RELN: variants seen among roughly 807,000 people sequenced by gnomAD.
RELN encodes reelin.
In RELN, 108 loss-of-function variants were observed where a neutral mutation model predicts 427.6. That is an observed-to-expected ratio of 0.25 (90% CI 0.22 to 0.30). The LOEUF is 0.30. RELN is among the 10% of genes least tolerant of loss of function. The pLI is 1.00. For missense variants in RELN, 3,715 were observed against 4,302.8 expected, an observed-to-expected ratio of 0.86 and a Z score of 3.82; for synonymous variants, 1,524 against 1,513.4, an observed-to-expected ratio of 1.01 and a Z score of -0.16.
chr7:103,751,195 T>C (rs1790990469), intron 5 of RELN, among the ~76,000 whole-genome samples: 1 of 152,248 alleles, frequency 6.6e-6, no homozygotes, highest in South Asian at 2.1e-4. Context: ...ACAGACTGTC[T>C]TTTGGAAAAA....
chr7:103,875,427 C>T (rs1052085775), intron 2 of RELN, among the ~76,000 whole-genome samples: 1 of 152,104 alleles, frequency 6.6e-6, no homozygotes, highest in African/African-American at 2.4e-5. Flanking sequence ...AGGCAACCTA[C>T]AAAATGGGAG....
At position 103,609,449 on chromosome 7, in the gene RELN, T is replaced by G. The variant is rs532373468; in HGVS notation, c.3008+1246A>C. Among the ~76,000 whole-genome samples the G allele has an allele frequency of 2.0e-5, 3 of 152,262 alleles. No individual in the cohort carries two copies. In the South Asian group the frequency reaches 6.2e-4, roughly 32 times the overall value. Reference sequence around the variant, plus strand: ...TGCTTGGAATACCATTGAAATTAAATAAAAGTCTTGATTATATTCCCAGCA... The same window carrying G: ...TGCTTGGAATACCATTGAAATTAAAGAAAAGTCTTGATTATATTCCCAGCA... On this transcript the variant is annotated intron_variant, in intron 22 of 64. Coordinates refer to ENST00000428762, the MANE Select transcript of RELN (RefSeq NM_005045.4).
At chr7:103,814,027 T>C (rs979508398) in intron 3 of RELN, among the ~76,000 whole-genome samples, 2 of 152,170 alleles carry the variant, frequency 1.3e-5, no homozygotes, top group Non-Finnish European at 2.9e-5. Context: ...ACATATATAG[T>C]AGTAATCAAC....
chr7:103,661,475 C>G lies in RELN; in HGVS notation c.1342G>C (p.Gly448Arg). The change falls in exon 12 of 65, where the codon GGC becomes CGC. Residue 448 changes from glycine (G) to arginine (R), a missense_variant. By Grantham distance (125) the Gly-to-Arg change is moderately radical (BLOSUM62 -2). Transcript: ENST00000428762. ...TCTTTGAGGAAGACCATTGATAAGC[C>G]TGATTCTATCGTTCCACATTCTGTA... is the stretch of plus-strand genomic sequence containing the variant. The part of the protein sequence containing the change: ...IGTECGTIES[G>R]LSMVFLKDGE... 21 of 1,613,656 alleles carry G rather than the reference C, an allele frequency of 1.3e-5. No individual in the cohort carries two copies. Among genetic ancestry groups the G allele is most frequent in the Non-Finnish European group, 1.7e-5 (20 of 1,179,760 alleles).
chr7:103,476,499 C>A (rs566927378), intron 64 of RELN, among the ~76,000 whole-genome samples: 95 of 152,106 alleles, frequency 6.2e-4, no homozygotes, highest in South Asian at 2.1e-3. Context: ...AACAAACAAA[C>A]AAACAAAAAA....
intron 7 of RELN, 149 bp downstream of exon 7, chr7:103,727,962 C>G: frequency 1.4e-6 from 1 of 738,486 alleles, no homozygotes; most frequent in South Asian, 1.5e-5. Flanking sequence ...CATAGAATCA[C>G]CCCTCCCAAT....
chr7:103,791,454 G>A (rs1264859328), intron 3 of RELN, among the ~76,000 whole-genome samples: 1 of 152,088 alleles, frequency 6.6e-6, no homozygotes, highest in East Asian at 1.9e-4. Context: ...TACATTTATG[G>A]TTAATTTCTG....
At chr7:103,475,607 C>A (rs1354757707) in intron 64 of RELN, among the ~76,000 whole-genome samples, 1 of 152,160 alleles carries the variant, frequency 6.6e-6, no homozygotes, top group African/African-American at 2.4e-5. Context: ...ATTTTGTTAT[C>A]TCAATGCAAC....
intron 6 of RELN, among the ~76,000 whole-genome samples, chr7:103,746,378 C>T (rs1182551110): frequency 1.3e-5 from 2 of 152,128 alleles, no homozygotes; most frequent in African/African-American, 2.4e-5. Flanking sequence ...ATGTCTAAAA[C>T]ACCAAAAGCA....
At chr7:103,600,388 C>T (rs1425557904) in intron 24 of RELN, among the ~76,000 whole-genome samples, 1 of 152,176 alleles carries the variant, frequency 6.6e-6, no homozygotes, top group East Asian at 1.9e-4. Flanking sequence ...CCTCCCAGGA[C>T]ACTGTGACTG....
At chr7:103,522,927 A>G (rs1366385181) in intron 47 of RELN, among the ~76,000 whole-genome samples, 6 of 151,950 alleles carry the variant, frequency 3.9e-5, no homozygotes. Flanking sequence ...TGTGCATCAA[A>G]TACCTCTGGT....
intron 20 of RELN, among the ~76,000 whole-genome samples, chr7:103,613,593 T>C (rs183999253): frequency 5.3e-5 from 8 of 152,332 alleles, no homozygotes; most frequent in African/African-American, 1.7e-4. Context: ...AATGCTTATC[T>C]CTGTAAGAAA....
At chr7:103,668,224 TG>T (rs1289741724) in intron 11 of RELN, among the ~76,000 whole-genome samples, 1 of 152,192 alleles carries the variant, frequency 6.6e-6, no homozygotes, top group East Asian at 1.9e-4. Flanking sequence ...AGGGAGACTC[TG>T]TCTCAAGTAA....
At chr7:103,773,942 C>T (rs1011672983) in intron 4 of RELN, among the ~76,000 whole-genome samples, 1 of 152,068 alleles carries the variant, frequency 6.6e-6, no homozygotes, top group Non-Finnish European at 1.5e-5. Context: ...CTTTCATATC[C>T]TTATTTAGCA....
intron 57 of RELN, among the ~76,000 whole-genome samples, chr7:103,494,541 ATTTTTTTTTT>A (rs35989965): frequency 1.6e-5 from 2 of 126,198 alleles, no homozygotes; most frequent in Admixed American, 8.3e-5. Context: ...CGCCCAGCTA[ATTTTTTTTTT>A]TTTTTTTTTT....
intron 34 of RELN, 147 bp from the exon 35 acceptor site, chr7:103,562,100 T>G: frequency 1.1e-6 from 1 of 901,564 alleles, no homozygotes; most frequent in Non-Finnish European, 1.7e-6. Context: ...TTTATTTTCC[T>G]ACTAAGTAGT....
intron 4 of RELN, among the ~76,000 whole-genome samples, chr7:103,756,318 A>AT (rs971582313): frequency 4.6e-5 from 7 of 152,176 alleles, no homozygotes; most frequent in Non-Finnish European, 7.3e-5. Flanking sequence ...CGGAAGTTGT[A>AT]TTTTTTAAAA....
chr7:103,639,119 T>C (rs1832644484), intron 17 of RELN, among the ~76,000 whole-genome samples: 1 of 152,198 alleles, frequency 6.6e-6, no homozygotes, highest in African/African-American at 2.4e-5. Context: ...ACATAACAAC[T>C]TGAGGAAGAT....
intron 1 of RELN, among the ~76,000 whole-genome samples, chr7:103,952,968 G>A (rs948723260): frequency 5.3e-5 from 8 of 151,956 alleles, no homozygotes; most frequent in African/African-American, 1.5e-4. Context: ...CTCTCTCCTC[G>A]CTATGCACTC....
Sources: allele counts gnomAD v4.1 joint callset (sites outside exome capture counted in the v4.1 genomes callset), GRCh38; gene constraint gnomAD v4.1.1; transcripts MANE v1.5; gene names NCBI Gene and HGNC (gene_info 2026-07-23, HGNC 2026-07-21).